ZBTB7C: variants seen among roughly 807,000 people sequenced by gnomAD.
The protein encoded by ZBTB7C is zinc finger and BTB domain-containing protein 7C.
Under a neutral mutation model 25.7 loss-of-function variants are expected in ZBTB7C, and 8 were observed. The ratio of observed to expected loss-of-function variants is 0.31; its 90% CI spans 0.18 to 0.56. The LOEUF is 0.56. ZBTB7C is among the 20% of genes least tolerant of loss of function. The pLI is 0.91. For synonymous variants in ZBTB7C, 394 were observed against 369.0 expected (o/e 1.07, Z -0.78); for missense variants, 824 against 855.2 (o/e 0.96, Z 0.46).
chr18:48,092,770 T>G (rs558524671), intron 3 of ZBTB7C, among the ~76,000 whole-genome samples: 1 of 152,210 alleles, frequency 6.6e-6, no homozygotes, highest in East Asian at 1.9e-4. Context: ...CATTTCTAAG[T>G]GCGAAGTTAA....
At chr18:48,287,961 T>C (rs75353942) in intron 2 of ZBTB7C, among the ~76,000 whole-genome samples, 7,770 of 152,264 alleles carry the variant, frequency 0.051, 253 homozygotes, top group Non-Finnish European at 0.072. Context: ...AACTTAACAG[T>C]GATGCACTGG....
At chr18:48,035,342 A>G (rs1445988396) in intron 4 of ZBTB7C, among the ~76,000 whole-genome samples, 1 of 152,184 alleles carries the variant, frequency 6.6e-6, no homozygotes, top group Non-Finnish European at 1.5e-5. Flanking sequence ...TTCATTTTGC[A>G]GTTTCTTGCC....
chr18:48,120,517 G>T, intron 3 of ZBTB7C, among the ~76,000 whole-genome samples: 1 of 152,146 alleles, frequency 6.6e-6, no homozygotes, highest in East Asian at 1.9e-4. Flanking sequence ...AGTTGAATCA[G>T]AAGAATCACT....
chr18:48,409,243 C>T lies in ZBTB7C; in HGVS notation c.-321G>A, dbSNP rs1375524199. On this transcript the variant is annotated 5_prime_UTR_variant, in exon 1 of 5. Transcript: ENST00000590800. ...CCGCTCACCTCCGCGCGCCGCCGGC[C>T]CTGCGCGCCTCCCGCACTTGGCTCC... 1 of 149,600 alleles carries T rather than the reference C, an allele frequency of 6.7e-6. No individual in the cohort carries two copies. Among genetic ancestry groups the T allele is most frequent in the African/African-American group, 2.4e-5 (1 of 41,128 alleles). 9.3% of individuals were successfully genotyped at this position (149,600 alleles called of 1,614,324 possible).
upstream of ZBTB7C, among the ~76,000 whole-genome samples, chr18:48,410,957 A>T (rs1055006286): frequency 6.6e-6 from 1 of 152,238 alleles, no homozygotes; most frequent in Non-Finnish European, 1.5e-5. Context: ...GTGTCCTTTA[A>T]TGCTGAAGAC....
intron 3 of ZBTB7C, among the ~76,000 whole-genome samples, chr18:48,138,702 T>G (rs1463211984): frequency 1.3e-5 from 2 of 152,136 alleles, no homozygotes; most frequent in Non-Finnish European, 2.9e-5. Flanking sequence ...CCATAGCTTT[T>G]TATCAAAAAC....
intron 2 of ZBTB7C, among the ~76,000 whole-genome samples, chr18:48,221,672 T>G (rs1422881723): frequency 6.7e-6 from 1 of 149,290 alleles, no homozygotes; most frequent in East Asian, 2.0e-4. Flanking sequence ...TATACTGTCC[T>G]AGTCTCCTCT....
intron 4 of ZBTB7C, among the ~76,000 whole-genome samples, chr18:48,037,899 G>C (rs978623594): frequency 1.2e-4 from 18 of 152,198 alleles, no homozygotes; most frequent in Admixed American, 1.3e-4. Context: ...GCAGGGGCTG[G>C]GACTCTCGGG....
upstream of ZBTB7C, among the ~76,000 whole-genome samples, chr18:48,411,762 G>A (rs1365545151): frequency 2.0e-5 from 3 of 152,226 alleles, no homozygotes; most frequent in African/African-American, 7.2e-5. Context: ...TAATAGTAAA[G>A]AGTCTAGTAA....
chr18:48,077,955 G>A (rs1388878206), intron 3 of ZBTB7C, among the ~76,000 whole-genome samples: 1 of 146,168 alleles, frequency 6.8e-6, no homozygotes, highest in Non-Finnish European at 1.5e-5. Flanking sequence ...AGGGGCCCAG[G>A]GCACATGAGG....
chr18:48,184,603 A>C (rs1473545427), intron 3 of ZBTB7C, among the ~76,000 whole-genome samples: 1 of 152,056 alleles, frequency 6.6e-6, no homozygotes, highest in Non-Finnish European at 1.5e-5. Flanking sequence ...CTTGGGACAA[A>C]TATTAATTAA....
rs9960070 is a variant in ZBTB7C, at chr18:48,327,390, C to T, written c.-79+10784G>A. On this transcript the variant is annotated intron_variant, in intron 2 of 4. Transcript: ENST00000590800. ...CCAGCACACTTGATTCACAAATATA[C>T]GCTCATTTTAAGGCCATGTGGTATA... Among the ~76,000 whole-genome samples the T allele has an allele frequency of 9.5e-3, 1,446 of 152,308 alleles. 17 individuals are homozygous for T. Among genetic ancestry groups the T allele is most frequent in the African/African-American group, 0.033 (1,369 of 41,552 alleles).
intron 2 of ZBTB7C, among the ~76,000 whole-genome samples, chr18:48,207,987 A>T (rs2042618502): frequency 6.8e-6 from 1 of 146,368 alleles, no homozygotes; most frequent in African/African-American, 2.5e-5. Context: ...AAATTCATCA[A>T]GCTGTGCATT....
intron 2 of ZBTB7C, chr18:48,252,419 A>T (rs2043889153): frequency 6.6e-6 from 1 of 151,978 alleles, no homozygotes; most frequent in South Asian, 2.1e-4. Flanking sequence ...CTTGCCACTG[A>T]CTCTTTTTTT....
intron 3 of ZBTB7C, 79 bp from the exon 4 acceptor site, chr18:48,041,202 A>T: frequency 6.8e-7 from 1 of 1,477,192 alleles, no homozygotes; most frequent in Non-Finnish European, 8.9e-7. Context: ...ACTCTGAGCC[A>T]CCTCCTTGGC....
chr18:48,195,996 T>C (rs1208957211), intron 2 of ZBTB7C, among the ~76,000 whole-genome samples: 1 of 152,218 alleles, frequency 6.6e-6, no homozygotes, highest in African/African-American at 2.4e-5. Flanking sequence ...AGGAAAGCAT[T>C]TGGCTCAGCT....
intron 1 of ZBTB7C, among the ~76,000 whole-genome samples, chr18:48,352,429 G>A (rs903627170): frequency 1.3e-5 from 2 of 152,184 alleles, no homozygotes; most frequent in African/African-American, 4.8e-5. Flanking sequence ...TGCCACCCAG[G>A]CCCCAAAGGC....
At chr18:48,097,723 T>C (rs2038690981) in intron 3 of ZBTB7C, among the ~76,000 whole-genome samples, 1 of 152,192 alleles carries the variant, frequency 6.6e-6, no homozygotes. Context: ...GAGGACCTAG[T>C]TGGTTGCCCA....
intron 3 of ZBTB7C, among the ~76,000 whole-genome samples, chr18:48,177,466 TCTC>T (rs1311803531): frequency 6.6e-6 from 1 of 152,144 alleles, no homozygotes; most frequent in East Asian, 1.9e-4. Context: ...TGGCCCCATC[TCTC>T]CTCTTCCAGG....
Sources: allele counts gnomAD v4.1 joint callset (sites outside exome capture counted in the v4.1 genomes callset), GRCh38; gene constraint gnomAD v4.1.1; transcripts MANE v1.5; gene names NCBI Gene and HGNC (gene_info 2026-07-23, HGNC 2026-07-21).